Variants in PVT1 observed in about 807,000 individuals in gnomAD.
The protein encoded by PVT1 is Pvt1 oncogene.
At chr8:127,972,392 G>A (rs1816774367) in intron 3 of PVT1, among the ~76,000 whole-genome samples, 1 of 152,194 alleles carries the variant, frequency 6.6e-6, no homozygotes, top group South Asian at 2.1e-4. Context: ...AATTGGAGCT[G>A]TTGAACTGTG....
At chr8:127,981,908 C>T (rs1816886669) in intron 3 of PVT1, among the ~76,000 whole-genome samples, 1 of 152,214 alleles carries the variant, frequency 6.6e-6, no homozygotes, top group African/African-American at 2.4e-5. Flanking sequence ...TTGGAGGGAG[C>T]TTGGCTTGGA....
intron 3 of PVT1, among the ~76,000 whole-genome samples, chr8:127,917,219 C>G (rs1237043684): frequency 6.6e-6 from 1 of 152,202 alleles, no homozygotes; most frequent in Admixed American, 6.5e-5. Flanking sequence ...CACCCATCCA[C>G]CCACCCACAT....
At chr8:127,956,220 A>G (rs1816567055) in intron 3 of PVT1, among the ~76,000 whole-genome samples, 1 of 152,222 alleles carries the variant, frequency 6.6e-6, no homozygotes, top group South Asian at 2.1e-4. Context: ...TGCTTGTTCC[A>G]CAGGAAGGAT....
chr8:128,058,554 C>T (rs1813790817), intron 4 of PVT1, among the ~76,000 whole-genome samples: 1 of 152,122 alleles, frequency 6.6e-6, no homozygotes, highest in South Asian at 2.1e-4. Flanking sequence ...TTGTTCAGAC[C>T]TAAGTGGCAA....
intron 3 of PVT1, among the ~76,000 whole-genome samples, chr8:127,978,813 C>A (rs529532169): frequency 6.6e-6 from 1 of 152,186 alleles, no homozygotes; most frequent in South Asian, 2.1e-4. Flanking sequence ...TTTTTGGAGA[C>A]AAGGTTTTGC....
At chr8:127,999,417 G>T (rs1817148686) in intron 4 of PVT1, 1 of 151,948 alleles carries the variant, frequency 6.6e-6, no homozygotes, top group Non-Finnish European at 1.5e-5. Flanking sequence ...AGCTAACTAT[G>T]AGTTTATACT....
intron 3 of PVT1, among the ~76,000 whole-genome samples, chr8:127,942,391 AC>A (rs1489549683): frequency 6.6e-6 from 1 of 152,012 alleles, no homozygotes; most frequent in Non-Finnish European, 1.5e-5. Flanking sequence ...ACCCATAGCC[AC>A]CTCTCTCATT....
intron 4 of PVT1, among the ~76,000 whole-genome samples, chr8:128,050,400 AG>A (rs1456319478): frequency 1.3e-5 from 2 of 152,192 alleles, no homozygotes; most frequent in Non-Finnish European, 2.9e-5. Flanking sequence ...CAGACCTCTC[AG>A]GGGGCATTAA....
At chr8:128,065,096 G>A (rs1813886458) in intron 4 of PVT1, among the ~76,000 whole-genome samples, 1 of 152,232 alleles carries the variant, frequency 6.6e-6, no homozygotes, top group African/African-American at 2.4e-5. Flanking sequence ...GCAAGTTCCT[G>A]AAGAGGCCAG....
At chr8:127,879,747 C>G (rs59801683) in intron 2 of PVT1, among the ~76,000 whole-genome samples, 2 of 152,178 alleles carry the variant, frequency 1.3e-5, no homozygotes, top group Non-Finnish European at 2.9e-5. Flanking sequence ...AGAACCAGCA[C>G]TCAGGAAGTG....
intron 3 of PVT1, among the ~76,000 whole-genome samples, chr8:127,978,944 G>A (rs1816854253): frequency 6.6e-6 from 1 of 152,184 alleles, no homozygotes; most frequent in Admixed American, 6.5e-5. Context: ...GTCTCACTAT[G>A]TTGCCCAGGC....
intron 2 of PVT1, among the ~76,000 whole-genome samples, chr8:127,863,711 G>T (rs745601190): frequency 1.3e-5 from 2 of 152,202 alleles, no homozygotes; most frequent in Non-Finnish European, 2.9e-5. Flanking sequence ...TGTTGCTGCA[G>T]CACTTAGCAC....
chr8:128,080,764 G>T lies in PVT1; in HGVS notation n.1114+10403G>T, dbSNP rs1351654877. 3.3e-5 allele frequency among the ~76,000 whole-genome samples: 5 copies of T among 152,066 alleles called. No individual in the cohort carries two copies. In the South Asian group the frequency reaches 6.2e-4, roughly 19 times the overall value. On this transcript the variant is annotated intron_variant and non_coding_transcript_variant, in intron 5 of 10. Coordinates refer to ENST00000651587, the Ensembl canonical transcript of PVT1. ...TTTCATAGATTGTGGCTTTGGTGTT[G>T]TATCTAAAAAGTTATTGCCATACTC... is the stretch of plus-strand genomic sequence containing the variant.
intron 3 of PVT1, among the ~76,000 whole-genome samples, chr8:127,975,047 A>G (rs555154286): frequency 1.1e-4 from 17 of 152,332 alleles, no homozygotes; most frequent in African/African-American, 4.1e-4. Flanking sequence ...TGGACAAGTC[A>G]TATTCTAAAT....
intron 2 of PVT1, among the ~76,000 whole-genome samples, chr8:127,864,890 G>A (rs1586412608): frequency 6.6e-6 from 1 of 152,178 alleles, no homozygotes; most frequent in Non-Finnish European, 1.5e-5. Context: ...GAGGCCGCGG[G>A]AACTAGAGAT....
intron 2 of PVT1, among the ~76,000 whole-genome samples, chr8:127,815,803 A>T (rs1814653293): frequency 6.6e-6 from 1 of 152,210 alleles, no homozygotes; most frequent in Non-Finnish European, 1.5e-5. Context: ...CAACCTGAAG[A>T]CCATTATACA....
chr8:127,848,908 A>G (rs1815070485), intron 2 of PVT1, among the ~76,000 whole-genome samples: 1 of 152,220 alleles, frequency 6.6e-6, no homozygotes. Flanking sequence ...GTCCAGGCCT[A>G]GAGAGGACTG....
intron 2 of PVT1, among the ~76,000 whole-genome samples, chr8:127,870,023 C>T (rs557441758): frequency 3.3e-5 from 5 of 152,224 alleles, no homozygotes; most frequent in South Asian, 4.1e-4. Context: ...AGGCTGGTCT[C>T]GAACTCCTGA....
chr8:127,962,601 G>A (rs1173965204), intron 3 of PVT1, among the ~76,000 whole-genome samples: 2 of 151,984 alleles, frequency 1.3e-5, no homozygotes, highest in Admixed American at 6.6e-5. Flanking sequence ...CTGGAGGTTC[G>A]TCTGCATTTT....
Sources: allele counts gnomAD v4.1 joint callset (sites outside exome capture counted in the v4.1 genomes callset), GRCh38; gene constraint gnomAD v4.1.1; transcripts MANE v1.5; gene names NCBI Gene and HGNC (gene_info 2026-07-23, HGNC 2026-07-21).